SYNJ2BP: variants seen among roughly 807,000 people sequenced by gnomAD.
SYNJ2BP encodes synaptojanin-2-binding protein.
SYNJ2BP carries 10 observed loss-of-function variants against 16.9 expected under a neutral mutation model. The ratio of observed to expected loss-of-function variants is 0.59; its 90% CI spans 0.36 to 1.00. The LOEUF (loss-of-function observed/expected upper bound fraction) is 1.00. SYNJ2BP is among the 50% of genes least tolerant of loss of function. SYNJ2BP has a pLI of 0.01. For synonymous variants in SYNJ2BP, 54 were observed against 68.4 expected (o/e 0.79, Z 1.04); for missense variants, 162 against 186.7 (o/e 0.87, Z 0.77).
chr14:70,379,698 C>T (rs564266963), intron 2 of SYNJ2BP, among the ~76,000 whole-genome samples: 1 of 152,188 alleles, frequency 6.6e-6, no homozygotes, highest in Non-Finnish European at 1.5e-5. Context: ...CTCAATGACT[C>T]AATTTTCTAG....
intron 1 of SYNJ2BP, among the ~76,000 whole-genome samples, chr14:70,407,343 G>A (rs531406098): frequency 6.6e-6 from 1 of 151,936 alleles, no homozygotes; most frequent in African/African-American, 2.4e-5. Context: ...CAGGAGAATG[G>A]CGTGATCTCC....
chr14:70,413,035 A>G (rs1888522984), intron 1 of SYNJ2BP, among the ~76,000 whole-genome samples: 1 of 152,200 alleles, frequency 6.6e-6, no homozygotes, highest in South Asian at 2.1e-4. Context: ...AGATTCCACT[A>G]AAGATAAAAG....
At chr14:70,412,522 G>GTATATATGTATGTATAGTATACAGTA (rs1888499405) in intron 1 of SYNJ2BP, among the ~76,000 whole-genome samples, 1 of 7,384 alleles carries the variant, frequency 1.4e-4, no homozygotes, top group African/African-American at 2.2e-4. Flanking sequence ...TATATATACA[G>GTATATATGTATGTATAGTATACAGTA]TATATATGTA....
At chr14:70,392,442 T>C (rs1887998661) in intron 1 of SYNJ2BP, among the ~76,000 whole-genome samples, 1 of 152,156 alleles carries the variant, frequency 6.6e-6, no homozygotes, top group South Asian at 2.1e-4. Context: ...AATTATAAAT[T>C]CTGCCCTGTC....
intron 2 of SYNJ2BP, among the ~76,000 whole-genome samples, chr14:70,377,399 G>A (rs1426657593): frequency 6.6e-6 from 1 of 152,170 alleles, no homozygotes; most frequent in Non-Finnish European, 1.5e-5. Flanking sequence ...ACCCATACTA[G>A]CTGACTCCAG....
chr14:70,405,387 T>TA (rs1377136581), intron 1 of SYNJ2BP, among the ~76,000 whole-genome samples: 1 of 152,050 alleles, frequency 6.6e-6, no homozygotes, highest in African/African-American at 2.4e-5. Flanking sequence ...CAGGTTGTAT[T>TA]AGGTTGGTGC....
chr14:70,412,407 G>A (rs935872813), intron 1 of SYNJ2BP, among the ~76,000 whole-genome samples: 3 of 151,486 alleles, frequency 2.0e-5, no homozygotes, highest in Non-Finnish European at 4.4e-5. Flanking sequence ...ATCTAATAAT[G>A]TGGATTAAAT....
chr14:70,399,199 C>A (rs1314111898), intron 1 of SYNJ2BP, among the ~76,000 whole-genome samples: 5 of 152,216 alleles, frequency 3.3e-5, no homozygotes, highest in Non-Finnish European at 5.9e-5. Context: ...CCTGGCCCAG[C>A]CCCCATGCTC....
chr14:70,413,567 A>G (rs952469611), intron 1 of SYNJ2BP, among the ~76,000 whole-genome samples: 2 of 152,222 alleles, frequency 1.3e-5, no homozygotes, highest in Non-Finnish European at 2.9e-5. Flanking sequence ...TGAACCTGGG[A>G]GGCAGAGGTT....
chr14:70,414,446 G>A (rs980665233), intron 1 of SYNJ2BP, among the ~76,000 whole-genome samples: 1 of 152,164 alleles, frequency 6.6e-6, no homozygotes, highest in African/African-American at 2.4e-5. Context: ...CTTGAAGCTT[G>A]TCCGAATGCC....
At chr14:70,375,805 G>A in intron 2 of SYNJ2BP, 34 bp from the exon 3 acceptor site, 2 of 1,607,404 alleles carry the variant, frequency 1.2e-6, no homozygotes, top group Non-Finnish European at 1.7e-6. Flanking sequence ...AAGAAAGGAA[G>A]AAGGCTATTA....
intron 2 of SYNJ2BP, among the ~76,000 whole-genome samples, chr14:70,382,154 T>C (rs1594944653): frequency 6.6e-6 from 1 of 151,996 alleles, no homozygotes; most frequent in Admixed American, 6.6e-5. Context: ...GAGAATGGAG[T>C]GAACCCGGGA....
intron 1 of SYNJ2BP, among the ~76,000 whole-genome samples, chr14:70,415,559 AAAAAAGAAAAG>A (rs1888586772): frequency 1.3e-5 from 2 of 151,918 alleles, no homozygotes; most frequent in South Asian, 4.1e-4. Flanking sequence ...TCAAAAAAAA[AAAAAAGAAAAG>A]AAAAAGAAAG....
chr14:70,412,635 AGCACAC>A (rs1888513057), intron 1 of SYNJ2BP, among the ~76,000 whole-genome samples: 21 of 150,236 alleles, frequency 1.4e-4, no homozygotes, highest in East Asian at 1.9e-4. Context: ...TATAGTAACT[AGCACAC>A]TACCGGAAAG....
chr14:70,377,386 T>C (rs1034693555), intron 2 of SYNJ2BP, among the ~76,000 whole-genome samples: 4 of 152,196 alleles, frequency 2.6e-5, no homozygotes, highest in African/African-American at 4.8e-5. Context: ...TTCTCCACCA[T>C]AGACCCATAC....
rs1050060204 is a variant in SYNJ2BP, at chr14:70,372,152, T to A, written c.*839A>T. On this transcript the variant is annotated 3_prime_UTR_variant, in exon 4 of 4. Coordinates refer to ENST00000256366, the MANE Select transcript of SYNJ2BP (RefSeq NM_018373.3). ...AGTTATTACATTTTTTTCTATTTTT[T>A]TTTTAAATAGAGATGAGGTTTTGCT... is the stretch of plus-strand genomic sequence containing the variant. 2.0e-5 allele frequency: 3 copies of A among 152,148 alleles called. No homozygotes were observed. The highest frequency in any genetic ancestry group is 4.4e-5 in the Non-Finnish European group (3 of 68,034). The allele number at this position is 152,148 out of a possible 1,614,324, so 9.4% of individuals were successfully genotyped here.
In SYNJ2BP at chr14:70,410,620, C is replaced by T. The variant is rs546719748; in HGVS notation, c.64+6280G>A. ...CAAAGAGATCGAATCAACCTAAATG[C>T]CCATCAATGGTAGACTGGACAAAGA... On this transcript the variant is annotated intron_variant, in intron 1 of 3. Coordinates refer to ENST00000256366, the MANE Select transcript of SYNJ2BP (RefSeq NM_018373.3). Among the ~76,000 whole-genome samples, 23 of 152,178 alleles carry T rather than the reference C, an allele frequency of 1.5e-4. No individual in the cohort carries two copies. In the South Asian group the frequency reaches 2.5e-3, roughly 17 times the overall value.
rs758748035 is a variant in SYNJ2BP, at chr14:70,375,716, C to A, written c.257G>T (p.Arg86Leu). 2 of 1,614,116 alleles carry A rather than the reference C, an allele frequency of 1.2e-6. No individual in the cohort carries two copies. Among genetic ancestry groups the A allele is most frequent in the Non-Finnish European group, 1.7e-6 (2 of 1,179,992 alleles). Residue 86 changes from arginine (R) to leucine (L), a missense_variant, in exon 3 of 4, where the codon CGT becomes CTT. By Grantham distance (102) the Arg-to-Leu change is moderately radical (BLOSUM62 -2). Transcript: ENST00000256366. ...LLHQDAVDLF[R>L]NAGYAVSLRV... ...CAGAGACACAGCATAGCCTGCATTACGAAAGAGGTCTACAGCATCCTGGTG... is the reference window on the plus strand; with the variant it reads ...CAGAGACACAGCATAGCCTGCATTAAGAAAGAGGTCTACAGCATCCTGGTG...
chr14:70,416,059 T>C (rs1259652432), intron 1 of SYNJ2BP, among the ~76,000 whole-genome samples: 1 of 152,196 alleles, frequency 6.6e-6, no homozygotes, highest in Non-Finnish European at 1.5e-5. Flanking sequence ...TAGACCCAGA[T>C]ACTGTAATTC....
Sources: allele counts gnomAD v4.1 joint callset (sites outside exome capture counted in the v4.1 genomes callset), GRCh38; gene constraint gnomAD v4.1.1; transcripts MANE v1.5; gene names NCBI Gene and HGNC (gene_info 2026-07-23, HGNC 2026-07-21).